SLC16A7: variants seen among roughly 807,000 people sequenced by gnomAD.
SLC16A7 encodes solute carrier family 16 member 7, also known as monocarboxylate transporter 2.
In SLC16A7, 33 loss-of-function variants were observed where a neutral mutation model predicts 34.9. That is an observed-to-expected ratio of 0.94 (90% CI 0.72 to 1.26). The LOEUF is 1.26. SLC16A7 is among the 50% of genes most tolerant of loss of function. The pLI is 0.00. For missense variants in SLC16A7, 573 were observed against 578.1 expected (o/e 0.99, Z 0.09); for synonymous variants, 201 against 206.6 (o/e 0.97, Z 0.23).
At chr12:59,679,192 A>C (rs113251165) in intron 2 of SLC16A7, among the ~76,000 whole-genome samples, 2 of 152,064 alleles carry the variant, frequency 1.3e-5, no homozygotes, top group African/African-American at 4.8e-5. Context: ...TGCCTCCAGC[A>C]CCCAAGAGCA....
At chr12:59,733,996 G>A in intron 3 of SLC16A7, 1 of 357,452 alleles carries the variant, frequency 2.8e-6, no homozygotes, top group Non-Finnish European at 5.6e-6. Context: ...TGGTCTGTGG[G>A]CAGCCATGGG....
chr12:59,631,069 G>A (rs1303274112), intron 1 of SLC16A7, among the ~76,000 whole-genome samples: 1 of 151,844 alleles, frequency 6.6e-6, no homozygotes, highest in Non-Finnish European at 1.5e-5. Context: ...CGGTGGCAAG[G>A]GTGAGGTAGA....
chr12:59,692,912 A>T (rs1288023327), intron 2 of SLC16A7, among the ~76,000 whole-genome samples: 1 of 151,990 alleles, frequency 6.6e-6, no homozygotes, highest in Non-Finnish European at 1.5e-5. Context: ...TTGGGAAAGA[A>T]AAGATTTGGT....
chr12:59,765,952 T>C (rs1881574649), intron 3 of SLC16A7, among the ~76,000 whole-genome samples: 1 of 152,222 alleles, frequency 6.6e-6, no homozygotes, highest in African/African-American at 2.4e-5. Flanking sequence ...ATATTGATTC[T>C]TCCTACCCGT....
chr12:59,680,287 A>G (rs779885368), intron 2 of SLC16A7, among the ~76,000 whole-genome samples: 2 of 152,238 alleles, frequency 1.3e-5, no homozygotes, highest in African/African-American at 2.4e-5. Context: ...GGGGCCGAAC[A>G]TCACAGAAGA....
chr12:59,784,636 G>A lies in SLC16A7; in HGVS notation c.*4957G>A, dbSNP rs529631031. The A allele has an allele frequency of 3.9e-5, 6 of 152,078 alleles. No homozygotes were observed. In the South Asian group the frequency reaches 1.2e-3, roughly 31 times the overall value. The allele number at this position is 152,078 out of a possible 1,614,324, so 9.4% of individuals were successfully genotyped here. Reference sequence around the variant, plus strand: ...TTCTGTAGAGAAAACAAGTGTCATTGCTTTTGTCTTCTCCATCTAGACTTT... The same window carrying A: ...TTCTGTAGAGAAAACAAGTGTCATTACTTTTGTCTTCTCCATCTAGACTTT... On this transcript the variant is annotated 3_prime_UTR_variant, in exon 6 of 6. Coordinates refer to ENST00000547379, the MANE Select transcript of SLC16A7 (RefSeq NM_001270623.2).
At chr12:59,685,352 G>T (rs557215005) in intron 2 of SLC16A7, among the ~76,000 whole-genome samples, 1 of 152,166 alleles carries the variant, frequency 6.6e-6, no homozygotes, top group African/African-American at 2.4e-5. Context: ...GAATCTTGAT[G>T]TTTAAAGAAT....
rs1181243431 is a variant in SLC16A7 at position 59,775,197 on chromosome 12, G to A, written c.902G>A (p.Gly301Glu). The A allele has an allele frequency of 6.2e-7, 1 of 1,613,970 alleles. No individual in the cohort carries two copies. The highest frequency in any genetic ancestry group is 8.5e-7 in the Non-Finnish European group (1 of 1,180,006). ...GATATGTTTGCTAGGCCTTCTGTAG[G>A]ATTAATTGCAAACTCCAAATATATT... ...FVDMFARPSV[G>E]LIANSKYIRP... The change falls in exon 5 of 6, where the codon GGA becomes GAA. Residue 301 changes from glycine (G) to glutamate (E), a missense_variant. By Grantham distance (98) the Gly-to-Glu change is moderately conservative. Transcript: ENST00000547379.
Position 59,726,333 on chromosome 12 carries a change from T to C in SLC16A7, c.217+21315T>C, listed in dbSNP as rs1393660878. Among the ~76,000 whole-genome samples, 3 of 152,236 alleles carry C rather than the reference T, an allele frequency of 2.0e-5. No individual in the cohort carries two copies. In the East Asian group the frequency reaches 5.8e-4, roughly 29 times the overall value. On this transcript the variant is annotated intron_variant, in intron 3 of 5. Transcript: ENST00000547379. ...TTTTTAAAGAATCAATATTTTTAAA[T>C]CTATTGAAAGCACAGAATAAAGTTT... is the stretch of plus-strand genomic sequence containing the variant.
At chr12:59,652,795 A>G (rs1471781726) in intron 1 of SLC16A7, among the ~76,000 whole-genome samples, 1 of 151,718 alleles carries the variant, frequency 6.6e-6, no homozygotes, top group African/African-American at 2.4e-5. Context: ...TTGGTTTTAT[A>G]TTAAAGAAAT....
intron 1 of SLC16A7, among the ~76,000 whole-genome samples, chr12:59,602,873 C>A (rs1463392178): frequency 2.0e-5 from 3 of 152,140 alleles, no homozygotes; most frequent in Admixed American, 2.0e-4. Context: ...AACTCCCAAG[C>A]CATTTGCTGT....
chr12:59,622,271 C>T (rs375085429), intron 1 of SLC16A7, among the ~76,000 whole-genome samples: 8 of 151,876 alleles, frequency 5.3e-5, no homozygotes, highest in East Asian at 3.9e-4. Context: ...GCTGAAAAAA[C>T]GTAGGTTGTT....
At chr12:59,779,019 T>G (rs553261197) in intron 5 of SLC16A7, among the ~76,000 whole-genome samples, 1 of 152,084 alleles carries the variant, frequency 6.6e-6, no homozygotes, top group Non-Finnish European at 1.5e-5. Context: ...AAGTAATTTT[T>G]CTCTATTGAA....
At chr12:59,677,637 A>G (rs1200968762) in intron 2 of SLC16A7, among the ~76,000 whole-genome samples, 1 of 152,164 alleles carries the variant, frequency 6.6e-6, no homozygotes, top group Non-Finnish European at 1.5e-5. Flanking sequence ...TGGCTTTTCT[A>G]GATTACTTGC....
At chr12:59,638,995 G>T (rs961263251) in intron 1 of SLC16A7, among the ~76,000 whole-genome samples, 2 of 152,120 alleles carry the variant, frequency 1.3e-5, no homozygotes, top group East Asian at 3.9e-4. Context: ...ATGGGCTTTA[G>T]ACTTGAATAA....
chr12:59,737,924 A>G (rs1258116647), intron 3 of SLC16A7, among the ~76,000 whole-genome samples: 1 of 152,178 alleles, frequency 6.6e-6, no homozygotes, highest in East Asian at 1.9e-4. Flanking sequence ...TACACCACAC[A>G]AAGAGCTTGT....
At chr12:59,666,871 T>A (rs150786784) in intron 2 of SLC16A7, among the ~76,000 whole-genome samples, 78 of 152,272 alleles carry the variant, frequency 5.1e-4, no homozygotes, top group African/African-American at 1.8e-3. Context: ...GGAAGTGACA[T>A]TAGAACTGGG....
intron 1 of SLC16A7, among the ~76,000 whole-genome samples, chr12:59,626,413 A>G (rs1240879766): frequency 1.3e-5 from 2 of 151,780 alleles, no homozygotes; most frequent in South Asian, 2.1e-4. Flanking sequence ...ACAAATTTGT[A>G]TGGTCCTTTA....
intron 3 of SLC16A7, among the ~76,000 whole-genome samples, chr12:59,712,274 C>A (rs1231293861): frequency 6.6e-6 from 1 of 152,270 alleles, no homozygotes; most frequent in East Asian, 1.9e-4. Flanking sequence ...GCAATCTGTG[C>A]CAATAACATT....
Sources: gnomAD v4.1 joint callset for allele counts (sites outside exome capture counted in the v4.1 genomes callset) on GRCh38, gnomAD v4.1.1 for gene constraint, MANE v1.5 for transcripts, NCBI Gene and HGNC (gene_info 2026-07-23, HGNC 2026-07-21) for gene names.